Variants in TRHDE observed in about 807,000 individuals in gnomAD.
TRHDE encodes the protein thyrotropin releasing hormone degrading enzyme.
A neutral mutation model predicts 125.7 loss-of-function variants in TRHDE; 72 were observed. The ratio of observed to expected loss-of-function variants is 0.57; its 90% confidence interval spans 0.47 to 0.70. TRHDE has a LOEUF of 0.70. TRHDE is among the 30% of genes least tolerant of loss of function. TRHDE has a pLI of 0.00. For synonymous variants in TRHDE, 509 were observed against 509.1 expected (o/e 1.00, Z 0.00); for missense variants, 1,110 against 1,327.1 (o/e 0.84, Z 2.54).
intron 5 of TRHDE, among the ~76,000 whole-genome samples, chr12:72,474,605 T>C (rs1480309813): frequency 6.6e-6 from 1 of 152,162 alleles, no homozygotes. Flanking sequence ...TCTTTCTTTT[T>C]TAAAGGCAGA....
chr12:72,419,063 G>C (rs34627865), intron 3 of TRHDE, among the ~76,000 whole-genome samples: 2 of 152,100 alleles, frequency 1.3e-5, no homozygotes, highest in Non-Finnish European at 2.9e-5. Flanking sequence ...AAAGGGAAAG[G>C]GGTAGGAAGT....
chr12:72,322,811 T>C (rs1869157536), intron 2 of TRHDE, among the ~76,000 whole-genome samples: 1 of 152,126 alleles, frequency 6.6e-6, no homozygotes, highest in Non-Finnish European at 1.5e-5. Context: ...AAACTGTAAA[T>C]GCGTTTTTAG....
In TRHDE at chr12:72,354,813, C is replaced by T. The variant is rs529950686; in HGVS notation, c.1189-23182C>T. Among the ~76,000 whole-genome samples the T allele has an allele frequency of 6.4e-4, 97 of 150,900 alleles. 1 individual carries two copies. Among genetic ancestry groups the T allele is most frequent in the African/African-American group, 1.9e-3 (79 of 41,284 alleles). ...TGTGTGTATGTATGTGTAGGCACTA[C>T]GCCAATTGTCTAGCTAGAAGTGCAA... On this transcript the variant is annotated intron_variant, in intron 2 of 18. Coordinates refer to ENST00000261180, the MANE Select transcript of TRHDE (RefSeq NM_013381.3).
chr12:72,114,060 A>G (rs1050572062), intron 2 of TRHDE, among the ~76,000 whole-genome samples: 11 of 151,730 alleles, frequency 7.2e-5, no homozygotes, highest in African/African-American at 2.7e-4. Context: ...AGACAGGCCT[A>G]CCTGCAGGTC....
intron 6 of TRHDE, among the ~76,000 whole-genome samples, chr12:72,540,830 G>A (rs1411074988): frequency 6.6e-6 from 1 of 151,482 alleles, no homozygotes; most frequent in African/African-American, 2.4e-5. Flanking sequence ...AATGGAAGGT[G>A]TGAGAAGAAA....
chr12:72,094,765 G>C (rs1158816436), intron 1 of TRHDE, among the ~76,000 whole-genome samples: 1 of 152,228 alleles, frequency 6.6e-6, no homozygotes, highest in Non-Finnish European at 1.5e-5. Context: ...AAGAGAATGA[G>C]GCTTTTTCTA....
In TRHDE at chr12:72,296,271, G is replaced by A. The variant is rs561821171; in HGVS notation, c.1188+9317G>A. ...CTGAAAATTTGTGAGAAGTAATTTT[G>A]ACCAATATTGAAATAAAAATAGAAA... On this transcript the variant is annotated intron_variant, in intron 2 of 18. Transcript: ENST00000261180. Among the ~76,000 whole-genome samples the A allele has an allele frequency of 4.6e-5, 7 of 152,258 alleles. No individual in the cohort carries two copies. The East Asian group carries it at 1.3e-3, about 29-fold the overall frequency.
intron 2 of TRHDE, among the ~76,000 whole-genome samples, chr12:72,189,985 A>G (rs1431941820): frequency 6.6e-6 from 1 of 152,142 alleles, no homozygotes; most frequent in Non-Finnish European, 1.5e-5. Flanking sequence ...CATCCAAACA[A>G]GTAGTATTCG....
At chr12:72,340,766 C>A (rs142014624) in intron 2 of TRHDE, among the ~76,000 whole-genome samples, 321 of 152,230 alleles carry the variant, frequency 2.1e-3, no homozygotes, top group African/African-American at 7.6e-3. Context: ...TACACAGTAG[C>A]CCCCTCATAT....
At position 72,272,701 on chromosome 12, in the gene TRHDE, AAG is replaced by A; in HGVS notation, c.60_61del (p.Lys21GlufsTer247). On this transcript the variant is annotated frameshift_variant, in exon 1 of 19. Transcript: ENST00000261180. LOFTEE classifies it high-confidence loss of function. The surrounding 1 kb of genome is among the most constrained non-coding windows in gnomAD (Gnocchi z 6.7). ...QEEEKKKKKK[K>X]KRKKKKEEEE... ...GGAGGAGAAGAAAAAGAAGAAGAAA[AAG>A]AAGAGGAAGAAGAAGAAGGAGGAGG... The A allele has an allele frequency of 9.1e-6, 8 of 882,314 alleles. No homozygotes were observed. Among genetic ancestry groups the A allele is most frequent in the Non-Finnish European group, 1.2e-5 (8 of 648,976 alleles). The allele number at this position is 882,314 out of a possible 1,614,324, so 54.7% of individuals were successfully genotyped here.
At chr12:72,498,927 C>T (rs1878027604) in intron 5 of TRHDE, among the ~76,000 whole-genome samples, 1 of 150,990 alleles carries the variant, frequency 6.6e-6, no homozygotes, top group Non-Finnish European at 1.5e-5. Context: ...CCTTTTATTA[C>T]TAGTTGTGGT....
At chr12:72,420,181 A>G (rs1278240962) in intron 3 of TRHDE, among the ~76,000 whole-genome samples, 2 of 152,158 alleles carry the variant, frequency 1.3e-5, no homozygotes, top group East Asian at 3.9e-4. Context: ...TGTCTCTAAG[A>G]TCAATACTAA....
At chr12:72,172,193 A>G (rs1876888297) in intron 2 of TRHDE, among the ~76,000 whole-genome samples, 1 of 152,154 alleles carries the variant, frequency 6.6e-6, no homozygotes, top group South Asian at 2.1e-4. Flanking sequence ...TCATTCATCT[A>G]TTAAGTAACA....
chr12:72,372,009 C>G (rs1211786466), intron 2 of TRHDE, among the ~76,000 whole-genome samples: 2 of 152,158 alleles, frequency 1.3e-5, no homozygotes, highest in African/African-American at 4.8e-5. Context: ...GTCCCACCAA[C>G]AGTATAAAAG....
At chr12:72,365,829 C>T (rs1871318964) in intron 2 of TRHDE, among the ~76,000 whole-genome samples, 1 of 152,122 alleles carries the variant, frequency 6.6e-6, no homozygotes, top group South Asian at 2.1e-4. Flanking sequence ...TCTTACTCTT[C>T]TGGAGGTTAG....
intron 1 of TRHDE, among the ~76,000 whole-genome samples, chr12:72,101,146 A>G (rs1396954492): frequency 6.6e-6 from 1 of 152,184 alleles, no homozygotes; most frequent in East Asian, 1.9e-4. Context: ...AGCCTAATAA[A>G]TTAGCTGCTG....
intron 2 of TRHDE, among the ~76,000 whole-genome samples, chr12:72,189,497 A>G (rs533103319): frequency 2.0e-5 from 3 of 152,354 alleles, no homozygotes; most frequent in Admixed American, 6.5e-5. Flanking sequence ...TAGTGTTATT[A>G]TAATAGCAGG....
intron 3 of TRHDE, among the ~76,000 whole-genome samples, chr12:72,462,978 A>G (rs1192502584): frequency 6.6e-6 from 1 of 152,228 alleles, no homozygotes; most frequent in East Asian, 1.9e-4. Context: ...TCAAAGAAGT[A>G]CCTTATGTGT....
intron 2 of TRHDE, among the ~76,000 whole-genome samples, chr12:72,125,554 T>C (rs1235044048): frequency 6.6e-6 from 1 of 152,210 alleles, no homozygotes; most frequent in Non-Finnish European, 1.5e-5. Flanking sequence ...CATACACTCC[T>C]ATGTATTTAA....
Sources: gnomAD v4.1 joint callset for allele counts (sites outside exome capture counted in the v4.1 genomes callset) on GRCh38, gnomAD v4.1.1 for gene constraint, Gnocchi (gnomAD v3.1) non-coding constraint, MANE v1.5 for transcripts, NCBI Gene and HGNC (gene_info 2026-07-23, HGNC 2026-07-21) for gene names.